The following NFASC variants were observed in gnomAD, a reference collection of about 807,000 sequenced individuals.
NFASC encodes the protein neurofascin homolog.
A neutral mutation model predicts 147.5 loss-of-function variants in NFASC; 43 were observed. That is an observed-to-expected ratio of 0.29 (90% CI 0.23 to 0.38). The LOEUF is 0.38. Ranked by LOEUF, NFASC falls within the 10% of genes least tolerant of loss-of-function variation. The pLI is 1.00. For missense variants in NFASC, 1,320 were observed against 1,689.0 expected (o/e 0.78, Z 3.83); for synonymous variants, 622 against 665.5 (o/e 0.93, Z 1.01).
intron 1 of NFASC, among the ~76,000 whole-genome samples, chr1:204,907,070 T>G (rs377721037): frequency 6.6e-6 from 1 of 152,236 alleles, no homozygotes; most frequent in Admixed American, 6.5e-5. Flanking sequence ...TACCATTTTT[T>G]ATTCTCACCA....
intron 1 of NFASC, among the ~76,000 whole-genome samples, chr1:204,902,064 C>T (rs898219349): frequency 5.9e-5 from 9 of 152,034 alleles, no homozygotes; most frequent in Admixed American, 1.3e-4. Context: ...AAGGCCGAGG[C>T]GGGAGGATTG....
At chr1:204,929,943 G>C (rs573320879) in intron 2 of NFASC, among the ~76,000 whole-genome samples, 1 of 152,286 alleles carries the variant, frequency 6.6e-6, no homozygotes, top group Admixed American at 6.5e-5. Context: ...CTGTTGCATC[G>C]TTCCTTCCTT....
At chr1:204,903,422 T>C (rs2149224593) in intron 1 of NFASC, among the ~76,000 whole-genome samples, 1 of 152,364 alleles carries the variant, frequency 6.6e-6, no homozygotes, top group African/African-American at 2.4e-5. Context: ...AGGAAATCAT[T>C]GAGGTCCAGT....
intron 2 of NFASC, among the ~76,000 whole-genome samples, chr1:204,929,937 T>C (rs2092188949): frequency 6.6e-6 from 1 of 152,178 alleles, no homozygotes; most frequent in African/African-American, 2.4e-5. Context: ...CACCATCTGT[T>C]GCATCGTTCC....
chr1:204,840,328 A>G (rs1674955540), intron 1 of NFASC, among the ~76,000 whole-genome samples: 2 of 152,134 alleles, frequency 1.3e-5, no homozygotes, highest in African/African-American at 2.4e-5. Flanking sequence ...ATAAATTGCA[A>G]TCTCTGAGGG....
In NFASC at chr1:204,968,775, T is replaced by C. The variant is rs1356543651; in HGVS notation, c.819-23T>C. 1 of 1,603,018 alleles carries C rather than the reference T, an allele frequency of 6.2e-7. No homozygotes were observed. On this transcript the variant is annotated intron_variant, in intron 9 of 29. Transcript: ENST00000339876. The surrounding 1 kb of genome is among the most constrained non-coding windows in gnomAD (Gnocchi z 5.4). ...AAGGCCACGTTTAGTGATAACTTGT[T>C]TCCTGCTTGGCGCCTCTCCTAGCCC... is the stretch of plus-strand genomic sequence containing the variant.
chr1:204,846,540 C>T (rs1677083223), intron 1 of NFASC, among the ~76,000 whole-genome samples: 1 of 152,122 alleles, frequency 6.6e-6, no homozygotes, highest in South Asian at 2.1e-4. Context: ...TCTCCTGGGC[C>T]TCTGTGACCC....
chr1:204,981,779 T>C lies in NFASC; in HGVS notation c.2248-19T>C, dbSNP rs368656566. The C allele has an allele frequency of 1.3e-6, 2 of 1,494,942 alleles. No individual in the cohort carries two copies. Among genetic ancestry groups the C allele is most frequent in the Non-Finnish European group, 1.8e-6 (2 of 1,111,860 alleles). The allele number at this position is 1,494,942 out of a possible 1,614,324, so 92.6% of individuals were successfully genotyped here. On this transcript the variant is annotated intron_variant, in intron 20 of 29. Coordinates refer to ENST00000339876, the MANE Select transcript of NFASC (RefSeq NM_001005388.3). ...CCCCTCTCTGGCAGCCTCTCCAGCC[T>C]GTCTGTCCCTCTGCCCAGCCCATGA... is the stretch of plus-strand genomic sequence containing the variant.
At chr1:204,838,278 T>C (rs1358655541) in intron 1 of NFASC, among the ~76,000 whole-genome samples, 3 of 152,270 alleles carry the variant, frequency 2.0e-5, no homozygotes, top group Non-Finnish European at 4.4e-5. Flanking sequence ...TATATTAGAC[T>C]GCACAGCTCT....
intron 1 of NFASC, among the ~76,000 whole-genome samples, chr1:204,898,145 A>G (rs7547461): frequency 0.03 from 4,637 of 152,286 alleles, 250 homozygotes; most frequent in East Asian, 0.21. Flanking sequence ...AGTCACCCAG[A>G]GTGCTGGGAT....
At chr1:204,858,653 C>T (rs79740445) in intron 1 of NFASC, among the ~76,000 whole-genome samples, 5,226 of 152,136 alleles carry the variant, frequency 0.034, 299 homozygotes, top group African/African-American at 0.12. Context: ...CCCTCCGCTC[C>T]CCCTCCTGCC....
Position 204,975,158 on chromosome 1 carries a change from C to T in NFASC, c.1559-113C>T. 8.5e-7 allele frequency: 1 copy of T among 1,175,728 alleles called. No individual in the cohort carries two copies. Among genetic ancestry groups the T allele is most frequent in the Non-Finnish European group, 1.2e-6 (1 of 832,840 alleles). The allele number at this position is 1,175,728 out of a possible 1,614,324, so 72.8% of individuals were successfully genotyped here. ...TCATACCATAGCATACTGTTTGTGC[C>T]CCACTCCATAGTTGGCCCAAGGCCT... On this transcript the variant is annotated intron_variant, in intron 14 of 29. Transcript: ENST00000339876. The surrounding 1 kb of genome is among the most constrained non-coding windows in gnomAD (Gnocchi z 4.0).
At position 204,943,217 on chromosome 1, in the gene NFASC, A is replaced by G. The variant is rs910153817; in HGVS notation, c.-90-1009A>G. ...CACAGTAGAATAACAAACTGGACCA[A>G]TTTTTTAAAGTGTATGTTTCAGAAC... On this transcript the variant is annotated intron_variant, in intron 2 of 29. Coordinates refer to ENST00000339876, the MANE Select transcript of NFASC (RefSeq NM_001005388.3). Among the ~76,000 whole-genome samples the G allele has an allele frequency of 9.2e-5, 14 of 152,150 alleles. 1 individual carries two copies. The highest frequency in any genetic ancestry group is 1.6e-4 in the Non-Finnish European group (11 of 68,028).
intron 8 of NFASC, among the ~76,000 whole-genome samples, chr1:204,965,621 G>C (rs897581281): frequency 6.6e-6 from 1 of 152,172 alleles, no homozygotes; most frequent in African/African-American, 2.4e-5. Flanking sequence ...GAGGAGAGGT[G>C]GGATCTTAGC....
At chr1:204,845,542 A>G (rs1274173843) in intron 1 of NFASC, among the ~76,000 whole-genome samples, 2 of 152,114 alleles carry the variant, frequency 1.3e-5, no homozygotes, top group Non-Finnish European at 2.9e-5. Flanking sequence ...TAGGAAAGGG[A>G]GAGGACATTT....
intron 27 of NFASC, among the ~76,000 whole-genome samples, chr1:205,004,945 ACCCTGGACT>A (rs2096073129): frequency 6.6e-6 from 1 of 152,178 alleles, no homozygotes; most frequent in African/African-American, 2.4e-5. Context: ...CAAACACATA[ACCCTGGACT>A]CCAAGAGGCC....
At chr1:204,872,756 T>C (rs2077962235) in intron 1 of NFASC, among the ~76,000 whole-genome samples, 1 of 152,194 alleles carries the variant, frequency 6.6e-6, no homozygotes. Flanking sequence ...ATTGGTGAGA[T>C]GGCCTCCCCC....
chr1:204,982,793 C>T (rs915193673), intron 21 of NFASC, among the ~76,000 whole-genome samples: 9 of 152,152 alleles, frequency 5.9e-5, no homozygotes, highest in Admixed American at 3.3e-4. Flanking sequence ...TGGGTCTGAT[C>T]GGAGAAGTGA....
At chr1:204,872,519 G>A (rs189108311) in intron 1 of NFASC, among the ~76,000 whole-genome samples, 1 of 152,334 alleles carries the variant, frequency 6.6e-6, no homozygotes, top group East Asian at 1.9e-4. Context: ...AGGCTTGTGT[G>A]TGGTCAACTC....
Sources: gnomAD v4.1 joint callset for allele counts (sites outside exome capture counted in the v4.1 genomes callset) on GRCh38, gnomAD v4.1.1 for gene constraint, Gnocchi (gnomAD v3.1) non-coding constraint, MANE v1.5 for transcripts, NCBI Gene and HGNC (gene_info 2026-07-23, HGNC 2026-07-21) for gene names.